The following PCDH1 variants were observed in gnomAD, a reference collection of about 807,000 sequenced individuals.
PCDH1 encodes the protein protocadherin 1.
PCDH1 carries 23 observed loss-of-function variants against 74.6 expected under a neutral mutation model. That is an observed-to-expected ratio of 0.31 (90% CI 0.22 to 0.44). The LOEUF (loss-of-function observed/expected upper bound fraction) is 0.44. Ranked by LOEUF, PCDH1 falls within the 20% of genes least tolerant of loss-of-function variation. The pLI, the probability that PCDH1 is intolerant of heterozygous loss-of-function variation, is 1.00. For missense variants in PCDH1, 1,214 were observed against 1,641.4 expected, an observed-to-expected ratio of 0.74 and a Z score of 4.50; for synonymous variants, 647 against 686.1, an observed-to-expected ratio of 0.94 and a Z score of 0.89.
At chr5:141,866,063 A>G in intron 2 of PCDH1, 3 of 985,862 alleles carry the variant, frequency 3.0e-6, no homozygotes, top group Non-Finnish European at 3.6e-6. Flanking sequence ...CACATGAGTA[A>G]AGACTCACAT....
intron 1 of PCDH1, among the ~76,000 whole-genome samples, chr5:141,871,737 C>T (rs1400490677): frequency 6.6e-6 from 1 of 152,232 alleles, no homozygotes; most frequent in Non-Finnish European, 1.5e-5. Context: ...CCTACCTCCT[C>T]AGGGCTTAGC....
Position 141,857,265 on chromosome 5 carries a change from C to T in PCDH1, c.3306G>A (p.Glu1102=), listed in dbSNP as rs994229363. The change falls in exon 4 of 5, where the codon GAG becomes GAA. Residue 1102 remains glutamate (E), a synonymous_variant. Coordinates refer to ENST00000287008, the MANE Select transcript of PCDH1 (RefSeq NM_032420.5). ...TTPDGSIGEM[E]HPENDLRPLP... ...GCTGCGCCTCACCATTCTCGGGGTG[C>T]TCCATCTCTCCTATGCTGCCATCAG... 1.9e-6 allele frequency: 3 copies of T among 1,583,094 alleles called. No homozygotes were observed. Among genetic ancestry groups the T allele is most frequent in the African/African-American group, 2.7e-5 (2 of 74,218 alleles).
chr5:141,866,106 T>C (rs1752817744), intron 2 of PCDH1: 1 of 985,432 alleles, frequency 1.0e-6, no homozygotes, highest in Non-Finnish European at 1.2e-6. Context: ...GGGGGATTTC[T>C]TTTGAAAGAA....
In PCDH1 at chr5:141,865,299, C is replaced by T. The variant is rs139219910; in HGVS notation, c.1032G>A (p.Pro344=). ...GGGTGCTTAGGTCCTCACGGTCCAC[C>T]GGGCCCTGAACAGTGATAAGTCCAG... is the stretch of plus-strand genomic sequence containing the variant. ...RNTGLITVQG[P]VDREDLSTLR... The change falls in exon 3 of 5, where the codon CCG becomes CCA. Residue 344 remains proline, a synonymous_variant. Coordinates refer to ENST00000287008, the MANE Select transcript of PCDH1 (RefSeq NM_032420.5). The surrounding 1 kb of genome is among the most constrained non-coding windows in gnomAD (Gnocchi z 4.4). 118 of 1,614,080 alleles carry T rather than the reference C, an allele frequency of 7.3e-5. No individual in the cohort carries two copies. In the African/African-American group the frequency reaches 1.1e-3, roughly 14 times the overall value.
At position 141,864,180 on chromosome 5, in the gene PCDH1, G is replaced by A. The variant is rs1289128484; in HGVS notation, c.2151C>T (p.Ala717=). The A allele has an allele frequency of 6.2e-7, 1 of 1,607,466 alleles. No individual in the cohort carries two copies. The highest frequency in any genetic ancestry group is 1.7e-5 in the Admixed American group (1 of 59,864). ...DENDNAPYIT[A]PSNTSHKLLT... ...GCAGCTTGTGAGAGGTGTTAGAAGG[G>A]GCAGTGATATAGGGTGCGTTGTCAT... is the stretch of plus-strand genomic sequence containing the variant. The change falls in exon 3 of 5, where the codon GCC becomes GCT. Residue 717 remains alanine, a synonymous_variant. Transcript: ENST00000287008. The surrounding 1 kb of genome is among the most constrained non-coding windows in gnomAD (Gnocchi z 5.9).
In PCDH1 at chr5:141,868,989, G is replaced by A; in HGVS notation, c.483C>T (p.Ile161=). Reference sequence around the variant, plus strand: ...AGGCGAAGTTGGGTGTGTTGTCATTGATGTCTTGTACTTCTATCTGGCCCT... The same window carrying A: ...AGGCGAAGTTGGGTGTGTTGTCATTAATGTCTTGTACTTCTATCTGGCCCT... The part of the protein sequence containing the change: ...LLEGQIEVQD[I]NDNTPNFASP... Residue 161 remains isoleucine (I), a synonymous_variant, in exon 2 of 5, where the codon ATC becomes ATT. Transcript: ENST00000287008. The surrounding 1 kb of genome is among the most constrained non-coding windows in gnomAD (Gnocchi z 4.8). The A allele has an allele frequency of 1.9e-6, 3 of 1,614,168 alleles. No homozygotes were observed. Among genetic ancestry groups the A allele is most frequent in the Non-Finnish European group, 2.5e-6 (3 of 1,180,024 alleles).
At chr5:141,866,693 A>G (rs1347434520) in intron 2 of PCDH1, among the ~76,000 whole-genome samples, 3 of 152,196 alleles carry the variant, frequency 2.0e-5, no homozygotes, top group Non-Finnish European at 4.4e-5. Flanking sequence ...AATGTGTGAA[A>G]TGGGGATAAT....
chr5:141,863,505 C>T lies in PCDH1; in HGVS notation c.2826G>A (p.Met942Ile), dbSNP rs1483301919. 2.5e-6 allele frequency: 4 copies of T among 1,612,976 alleles called. No individual in the cohort carries two copies. In the East Asian group the frequency reaches 6.7e-5, roughly 27 times the overall value. Residue 942 changes from methionine (M) to isoleucine (I), a missense_variant, in exon 3 of 5, where the codon ATG (methionine) becomes ATA (isoleucine). Coordinates refer to ENST00000287008, the MANE Select transcript of PCDH1 (RefSeq NM_032420.5). The surrounding 1 kb of genome is among the most constrained non-coding windows in gnomAD (Gnocchi z 7.5). ...GGGGACTGTCCCCAGGGGCATCGCTCATCAGGTTGAACTTGAGGGACTTCT... is the reference window on the plus strand; with the variant it reads ...GGGGACTGTCCCCAGGGGCATCGCTTATCAGGTTGAACTTGAGGGACTTCT... ...GLQKSLKFNL[M>I]SDAPGDSPRI...
chr5:141,865,112 C>T lies in PCDH1; in HGVS notation c.1219G>A (p.Asp407Asn), dbSNP rs1752762781. 2.5e-6 allele frequency: 4 copies of T among 1,614,070 alleles called. No individual in the cohort carries two copies. In the South Asian group the frequency reaches 3.3e-5, roughly 13 times the overall value. The change falls in exon 3 of 5, where the codon GAT (aspartate) becomes AAT (asparagine). Residue 407 changes from aspartate to asparagine, a missense_variant. By Grantham distance (23) the Asp-to-Asn change is conservative (BLOSUM62 1). Coordinates refer to ENST00000287008, the MANE Select transcript of PCDH1 (RefSeq NM_032420.5). The surrounding 1 kb of genome is among the most constrained non-coding windows in gnomAD (Gnocchi z 4.4). Reference protein sequence around the residue: ...HQDGMANISEDVAEETAVALV... With the variant: ...HQDGMANISENVAEETAVALV... ...GCCACAGCTGTCTCCTCTGCCACAT[C>T]CTCTGAGATGTTAGCCATCCCATCT...
rs772814587 is a variant in PCDH1 at position 141,863,017 on chromosome 5, G to T, written c.3099+215C>A. On this transcript the variant is annotated intron_variant, in intron 3 of 4. Coordinates refer to ENST00000287008, the MANE Select transcript of PCDH1 (RefSeq NM_032420.5). This position sits in a 1 kb window ranked among gnomAD's most constrained non-coding sequence, Gnocchi z 7.5. ...CCCAGTGGGGAGAGGGCAGGGAGGA[G>T]ACCACAGAGCACACCCTCCCTTAAT... 9 of 1,281,182 alleles carry T rather than the reference G, an allele frequency of 7.0e-6. No homozygotes were observed. Among genetic ancestry groups the T allele is most frequent in the Non-Finnish European group, 8.9e-6 (9 of 1,015,096 alleles). The allele number at this position is 1,281,182 out of a possible 1,614,324, so 79.4% of individuals were successfully genotyped here.
In PCDH1 at chr5:141,854,024, G is replaced by C. The variant is rs935202195; in HGVS notation, c.*18C>G. On this transcript the variant is annotated 3_prime_UTR_variant, in exon 5 of 5. Coordinates refer to ENST00000287008, the MANE Select transcript of PCDH1 (RefSeq NM_032420.5). ...GGCCGGCGGCTGGGGGAGGGGGGCC[G>C]GCCGGCCAGTAGGGGGCTCACAGGT... is the stretch of plus-strand genomic sequence containing the variant. The C allele has an allele frequency of 6.8e-7, 1 of 1,473,664 alleles. No individual in the cohort carries two copies. The highest frequency in any genetic ancestry group is 9.0e-7 in the Non-Finnish European group (1 of 1,111,940). The allele number at this position is 1,473,664 out of a possible 1,614,324, so 91.3% of individuals were successfully genotyped here.
At chr5:141,876,778 G>C (rs1215435798) in intron 1 of PCDH1, among the ~76,000 whole-genome samples, 1 of 149,846 alleles carries the variant, frequency 6.7e-6, no homozygotes, top group Admixed American at 6.6e-5. Context: ...CAGGTGTGCG[G>C]GACCCACCAA....
intron 1 of PCDH1, among the ~76,000 whole-genome samples, chr5:141,871,331 C>G (rs1451804997): frequency 6.6e-6 from 1 of 152,228 alleles, no homozygotes; most frequent in African/African-American, 2.4e-5. Context: ...AAGACTGGTC[C>G]AATCTGCCAT....
intron 4 of PCDH1, among the ~76,000 whole-genome samples, chr5:141,856,566 C>T (rs972440991): frequency 2.0e-5 from 3 of 152,146 alleles, no homozygotes; most frequent in African/African-American, 7.2e-5. Flanking sequence ...CACACATGCA[C>T]ACGCACTGCA....
At chr5:141,874,960 G>A (rs1289070325) in intron 1 of PCDH1, among the ~76,000 whole-genome samples, 1 of 152,056 alleles carries the variant, frequency 6.6e-6, no homozygotes, top group Non-Finnish European at 1.5e-5. Context: ...ATTAGCCTCT[G>A]CAGGGCTTCT....
At position 141,868,642 on chromosome 5, in the gene PCDH1, G is replaced by C. The variant is rs1477182496; in HGVS notation, c.830C>G (p.Ala277Gly). 1.9e-6 allele frequency: 3 copies of C among 1,604,258 alleles called. No individual in the cohort carries two copies. Among genetic ancestry groups the C allele is most frequent in the Non-Finnish European group, 2.6e-6 (3 of 1,174,252 alleles). The change falls in exon 2 of 5, where the codon GCC (alanine) becomes GGC (glycine). Residue 277 changes from alanine (A) to glycine (G), a missense_variant. By Grantham distance (60) the Ala-to-Gly change is moderately conservative. Around this residue, in one of 4 missense-constraint regions of PCDH1, gnomAD observed 836 missense variants for 1,182.2 expected, o/e 0.71. Transcript: ENST00000287008. The surrounding 1 kb of genome is among the most constrained non-coding windows in gnomAD (Gnocchi z 4.8). ...ATAGGAGGGCCGCTCAAACTTGGGG[G>C]CGTTGTCATTGGTGTCAAGCACGGT... ...RVTVLDTNDN[A>G]PKFERPSYEA...
At chr5:141,875,477 C>T (rs1753200494) in intron 1 of PCDH1, among the ~76,000 whole-genome samples, 1 of 152,122 alleles carries the variant, frequency 6.6e-6, no homozygotes, top group South Asian at 2.1e-4. Context: ...TCCCTACACC[C>T]CTCCCCGAAC....
rs370805685 is a variant in PCDH1 at position 141,864,127 on chromosome 5, G to A, written c.2204C>T (p.Thr735Met). Residue 735 changes from threonine (T) to methionine (M), a missense_variant, in exon 3 of 5, where the codon ACG becomes ATG. Physicochemically the swap from Thr to Met is moderately conservative, Grantham distance 81 (BLOSUM62 -1). Coordinates refer to ENST00000287008, the MANE Select transcript of PCDH1 (RefSeq NM_032420.5). This position sits in a 1 kb window ranked among gnomAD's most constrained non-coding sequence, Gnocchi z 5.9. ...GTCCTCGGCTGCCACCTGGCTGACC[G>A]TCTCACCAAGACGTGTCTGGGGGGT... ...LLTPQTRLGE[T>M]VSQVAAEDFD... The A allele has an allele frequency of 1.1e-4, 176 of 1,609,630 alleles. 1 individual carries two copies. Among genetic ancestry groups the A allele is most frequent in the Admixed American group, 2.2e-4 (13 of 59,912 alleles).
At chr5:141,854,988 C>G (rs79766128) in intron 4 of PCDH1, among the ~76,000 whole-genome samples, 1 of 138,526 alleles carries the variant, frequency 7.2e-6, no homozygotes, top group Non-Finnish European at 1.6e-5. Flanking sequence ...TTTTTTTTTT[C>G]AAGACAGGGT....
Sources: allele counts gnomAD v4.1 joint callset (sites outside exome capture counted in the v4.1 genomes callset), GRCh38; gene constraint gnomAD v4.1.1; regional missense constraint gnomAD v4.1.1; non-coding constraint Gnocchi (gnomAD v3.1); transcripts MANE v1.5; gene names NCBI Gene and HGNC (gene_info 2026-07-23, HGNC 2026-07-21).